Variants in ADAMTS12 observed in about 807,000 individuals in gnomAD.
ADAMTS12 encodes A disintegrin and metalloproteinase with thrombospondin motifs 12.
A neutral mutation model predicts 167.8 loss-of-function variants in ADAMTS12; 118 were observed. The observed-to-expected ratio is 0.70, with a 90% confidence interval of 0.61 to 0.82. The LOEUF (loss-of-function observed/expected upper bound fraction) is 0.82. Among genes scored for constraint, ADAMTS12 ranks in the 40% least tolerant of loss-of-function variants. The pLI is 0.00. For synonymous variants in ADAMTS12, 704 were observed against 716.9 expected, an observed-to-expected ratio of 0.98 and a Z score of 0.29; for missense variants, 1,916 against 1,998.8, an observed-to-expected ratio of 0.96 and a Z score of 0.79.
At chr5:33,624,811 C>A (rs1042221981) in intron 13 of ADAMTS12, among the ~76,000 whole-genome samples, 4 of 152,180 alleles carry the variant, frequency 2.6e-5, no homozygotes, top group African/African-American at 9.7e-5. Flanking sequence ...TTCACCTGGA[C>A]TTTTCTGTGG....
intron 2 of ADAMTS12, among the ~76,000 whole-genome samples, chr5:33,874,342 C>T (rs1416290844): frequency 6.6e-6 from 1 of 152,148 alleles, no homozygotes. Flanking sequence ...ATATGCATTT[C>T]CATGGTGAAG....
At chr5:33,791,396 C>T (rs991609099) in intron 2 of ADAMTS12, among the ~76,000 whole-genome samples, 1 of 152,154 alleles carries the variant, frequency 6.6e-6, no homozygotes, top group Non-Finnish European at 1.5e-5. Context: ...TCTCTTTCAG[C>T]TCTAAATTCC....
chr5:33,670,962 T>C (rs1322102524), intron 5 of ADAMTS12, among the ~76,000 whole-genome samples: 1 of 152,152 alleles, frequency 6.6e-6, no homozygotes. Context: ...GTACATATCA[T>C]AGAATACCAC....
chr5:33,817,545 C>T (rs774668269), intron 2 of ADAMTS12, among the ~76,000 whole-genome samples: 1 of 152,024 alleles, frequency 6.6e-6, no homozygotes, highest in Non-Finnish European at 1.5e-5. Flanking sequence ...CCATGTACTC[C>T]TCACCCATTT....
At chr5:33,701,516 G>C (rs1743002057) in intron 3 of ADAMTS12, among the ~76,000 whole-genome samples, 1 of 152,144 alleles carries the variant, frequency 6.6e-6, no homozygotes, top group South Asian at 2.1e-4. Context: ...CCCCAGCATA[G>C]TTCCTGGGAG....
At chr5:33,838,089 A>G (rs950688047) in intron 2 of ADAMTS12, among the ~76,000 whole-genome samples, 1 of 152,210 alleles carries the variant, frequency 6.6e-6, no homozygotes. Context: ...AGAAAGGATT[A>G]TAGAGAAGCT....
At position 33,661,991 on chromosome 5, in the gene ADAMTS12, C is replaced by A. The variant is rs1205864362; in HGVS notation, c.965G>T (p.Cys322Phe). The A allele has an allele frequency of 6.2e-7, 1 of 1,613,034 alleles. No homozygotes were observed. The highest frequency in any genetic ancestry group is 8.5e-7 in the Non-Finnish European group (1 of 1,179,646). The change falls in exon 6 of 24, where the codon TGC becomes TTC. Residue 322 changes from cysteine to phenylalanine, a missense_variant. Transcript: ENST00000504830. Reference protein sequence around the residue: ...HHAEKTLSSFCKWQKSINPKS... With the variant: ...HHAEKTLSSFFKWQKSINPKS... ...GGGATTGATACTCTTCTGCCACTTG[C>A]AGAAGCTAGACAGTGTCTTTTCTGC...
intron 2 of ADAMTS12, among the ~76,000 whole-genome samples, chr5:33,879,814 T>C (rs1042804016): frequency 2.0e-5 from 3 of 152,188 alleles, no homozygotes; most frequent in East Asian, 3.8e-4. Flanking sequence ...ACTCCAGAGA[T>C]ACAAGATAAA....
intron 2 of ADAMTS12, 108 bp downstream of exon 2, chr5:33,881,011 G>T (rs1750414447): frequency 4.0e-6 from 6 of 1,483,492 alleles, no homozygotes; most frequent in Non-Finnish European, 5.4e-6. Flanking sequence ...CATCACAGGG[G>T]TTCAACTCCC....
intron 2 of ADAMTS12, among the ~76,000 whole-genome samples, chr5:33,831,684 T>C (rs1188613469): frequency 1.3e-5 from 2 of 152,370 alleles, no homozygotes; most frequent in African/African-American, 2.4e-5. Flanking sequence ...TAATTACCAA[T>C]AGAATAATAG....
intron 3 of ADAMTS12, among the ~76,000 whole-genome samples, chr5:33,702,316 T>C (rs1263789447): frequency 2.0e-5 from 3 of 152,232 alleles, no homozygotes; most frequent in African/African-American, 7.2e-5. Flanking sequence ...TTTCTTCTGC[T>C]GCAGCATTAC....
intron 3 of ADAMTS12, among the ~76,000 whole-genome samples, chr5:33,724,218 C>CT (rs1413951958): frequency 2.0e-4 from 31 of 152,132 alleles, no homozygotes; most frequent in African/African-American, 7.5e-4. Context: ...AAAGCCCTTA[C>CT]TTTAAGTGAA....
chr5:33,582,702 A>T (rs951119764), intron 18 of ADAMTS12, among the ~76,000 whole-genome samples: 4 of 152,172 alleles, frequency 2.6e-5, no homozygotes, highest in African/African-American at 9.7e-5. Context: ...CCAGTTAAAG[A>T]TCTTCCTAGA....
At chr5:33,662,399 G>C (rs1054815763) in intron 5 of ADAMTS12, among the ~76,000 whole-genome samples, 3 of 152,198 alleles carry the variant, frequency 2.0e-5, no homozygotes, top group African/African-American at 7.2e-5. Context: ...ATATCAAAGA[G>C]GCATTTTTAT....
intron 3 of ADAMTS12, among the ~76,000 whole-genome samples, chr5:33,723,619 T>C (rs1485146631): frequency 2.6e-5 from 4 of 152,176 alleles, no homozygotes; most frequent in African/African-American, 2.4e-5. Flanking sequence ...TCTTCTCTGC[T>C]CTCATTTCCT....
At chr5:33,733,998 T>TACAC (rs147754057) in intron 3 of ADAMTS12, among the ~76,000 whole-genome samples, 2,570 of 139,428 alleles carry the variant, frequency 0.018, 87 homozygotes, top group African/African-American at 0.061. Context: ...ACTTCCCCAC[T>TACAC]ACACACACAC....
rs1743789384 is a variant in ADAMTS12, at chr5:33,525,882, T to A, written c.*1306A>T. 6.6e-6 allele frequency: 1 copy of A among 152,190 alleles called. No homozygotes were observed. Among genetic ancestry groups the A allele is most frequent in the Non-Finnish European group, 1.5e-5 (1 of 68,016 alleles). The allele number at this position is 152,190 out of a possible 1,614,324, so 9.4% of individuals were successfully genotyped here. A position where few individuals can be genotyped will look rare whatever the true frequency, so the allele number is the denominator to read the frequency against. ...GTAAGTACCTTCCCTTAGAAATCACTTTGTCTAGAAATTTGCTCTGAATTT... is the reference window on the plus strand; with the variant it reads ...GTAAGTACCTTCCCTTAGAAATCACATTGTCTAGAAATTTGCTCTGAATTT... On this transcript the variant is annotated 3_prime_UTR_variant, in exon 24 of 24. Transcript: ENST00000504830.
intron 7 of ADAMTS12, among the ~76,000 whole-genome samples, chr5:33,651,107 A>G (rs1740853878): frequency 6.6e-6 from 1 of 152,220 alleles, no homozygotes; most frequent in Non-Finnish European, 1.5e-5. Flanking sequence ...AGCTCTTACC[A>G]CACACCCACA....
chr5:33,882,597 G>A (rs2111781299), intron 1 of ADAMTS12, among the ~76,000 whole-genome samples: 1 of 152,086 alleles, frequency 6.6e-6, no homozygotes, highest in South Asian at 2.1e-4. Context: ...GTTTTGTTTT[G>A]TATTGTTTTT....
Sources: gnomAD v4.1 joint callset for allele counts (sites outside exome capture counted in the v4.1 genomes callset) on GRCh38, gnomAD v4.1.1 for gene constraint, MANE v1.5 for transcripts, NCBI Gene and HGNC (gene_info 2026-07-23, HGNC 2026-07-21) for gene names.